The following EDARADD variants were observed in gnomAD, a reference collection of about 807,000 sequenced individuals.
EDARADD encodes the protein ectodysplasin-A receptor-associated adapter protein.
Under a neutral mutation model 25.6 loss-of-function variants are expected in EDARADD, and 20 were observed. The observed-to-expected ratio is 0.78, with a 90% CI of 0.55 to 1.14. The LOEUF is 1.14. EDARADD is among the 50% of genes most tolerant of loss of function. The pLI, the probability that EDARADD is intolerant of heterozygous loss-of-function variation, is 0.00. For missense variants in EDARADD, 225 were observed against 270.1 expected (o/e 0.83, Z 1.17); for synonymous variants, 86 against 94.4 (o/e 0.91, Z 0.52).
In EDARADD at chr1:236,483,320, T is replaced by A; in HGVS notation, c.*671T>A. ...ATGAGGTCCTAGAGCTCCAGGACAA[T>A]GATAAGACTCGCTATATGGGGAAGG... On this transcript the variant is annotated 3_prime_UTR_variant, in exon 6 of 6. Transcript: ENST00000334232. The A allele has an allele frequency of 3.8e-6, 6 of 1,596,860 alleles. No individual in the cohort carries two copies. The South Asian group carries it at 6.6e-5, about 18-fold the overall frequency.
intron 3 of EDARADD, among the ~76,000 whole-genome samples, chr1:236,373,866 C>T (rs999983672): frequency 1.3e-5 from 2 of 152,154 alleles, no homozygotes; most frequent in Non-Finnish European, 1.5e-5. Context: ...CTTTCATTTT[C>T]ATTTAGTTCA....
intron 3 of EDARADD, among the ~76,000 whole-genome samples, chr1:236,373,174 C>G (rs1667191226): frequency 6.6e-6 from 1 of 151,592 alleles, no homozygotes; most frequent in Non-Finnish European, 1.5e-5. Context: ...CTTGGCTTCC[C>G]AAAGTGCTGG....
At chr1:236,429,931 A>G (rs604304) in intron 4 of EDARADD, among the ~76,000 whole-genome samples, 68,353 of 152,022 alleles carry the variant, frequency 0.45, 17,662 homozygotes, top group Non-Finnish European at 0.59. Context: ...GGCTGATTCA[A>G]TTCTGCTCCT....
intron 4 of EDARADD, 122 bp downstream of exon 4, chr1:236,427,572 G>T: frequency 2.2e-6 from 2 of 919,120 alleles, no homozygotes; most frequent in South Asian, 3.2e-5. Flanking sequence ...CATAAACAGG[G>T]TTTGCAAATG....
At chr1:236,432,146 A>T (rs1007652762) in intron 4 of EDARADD, among the ~76,000 whole-genome samples, 11 of 152,178 alleles carry the variant, frequency 7.2e-5, no homozygotes, top group African/African-American at 2.4e-4. Context: ...AAGATAAAGC[A>T]AAAATTTGTT....
chr1:236,363,768 C>T lies in EDARADD; in HGVS notation c.-6+12929C>T, dbSNP rs141404489. ...CCAGCTCCCCTTTTGCCTTCTGCCA[C>T]GGTTGTTTCCTGAGGCCTCCCTAGA... On this transcript the variant is annotated intron_variant, in intron 3 of 7. Coordinates refer to the EDARADD transcript ENST00000439430. Among the ~76,000 whole-genome samples, 226 of 152,146 alleles carry T rather than the reference C, an allele frequency of 1.5e-3. 2 individuals carry two copies. The highest frequency in any genetic ancestry group is 3.3e-3 in the East Asian group (17 of 5,170).
intron 3 of EDARADD, among the ~76,000 whole-genome samples, chr1:236,425,306 G>A (rs1657887017): frequency 6.6e-6 from 1 of 152,200 alleles, no homozygotes; most frequent in South Asian, 2.1e-4. Flanking sequence ...GACTGCCATG[G>A]CTGTGTACCT....
rs543669853 is a variant in EDARADD at position 236,370,798 on chromosome 1, G to A, written c.-6+19959G>A. Among the ~76,000 whole-genome samples, 7 of 152,322 alleles carry A rather than the reference G, an allele frequency of 4.6e-5. No individual in the cohort carries two copies. In the East Asian group the frequency reaches 1.3e-3, roughly 29 times the overall value. On this transcript the variant is annotated intron_variant, in intron 3 of 7. Coordinates refer to the EDARADD transcript ENST00000439430. ...AGTCAGAAGCTTGTAGCCTCCAGCT[G>A]CATGACTCCTAAACCATAATTTATA...
rs1284930859 is a variant in EDARADD, at chr1:236,480,908, G to A, written c.266-1359G>A. 2.0e-5 allele frequency among the ~76,000 whole-genome samples: 3 copies of A among 152,190 alleles called. No individual in the cohort carries two copies. In the East Asian group the frequency reaches 5.8e-4, roughly 29 times the overall value. On this transcript the variant is annotated intron_variant, in intron 5 of 5. Coordinates refer to ENST00000334232, the MANE Select transcript of EDARADD (RefSeq NM_145861.4). ...GGCCCTTCCTCTGGGGTAGGCGCAT[G>A]CTCTTCATGCTGAAGCTCAGCTGAA...
At chr1:236,434,623 A>C (rs1658193614) in intron 4 of EDARADD, among the ~76,000 whole-genome samples, 1 of 152,056 alleles carries the variant, frequency 6.6e-6, no homozygotes, top group African/African-American at 2.4e-5. Flanking sequence ...TTCTTCTTCC[A>C]ATGTGGCCCA....
chr1:236,353,914 A>C (rs1206888632), intron 3 of EDARADD, among the ~76,000 whole-genome samples: 2 of 152,108 alleles, frequency 1.3e-5, no homozygotes, highest in African/African-American at 4.8e-5. Context: ...GAGAAAAGAC[A>C]GATTTGTATT....
Position 236,482,802 on chromosome 1 carries a change from A to C in EDARADD, c.*153A>C, listed in dbSNP as rs898160289. The stretch of plus-strand genomic sequence containing the variant: ...AAAGCTGGCAGTTTTGTGGAGGGGT[A>C]GCTTGTTTCGGTGGTGGATCTCTGT... On this transcript the variant is annotated 3_prime_UTR_variant, in exon 6 of 6. Transcript: ENST00000334232. The C allele has an allele frequency of 5.8e-6, 6 of 1,036,932 alleles. No homozygotes were observed. The highest frequency in any genetic ancestry group is 3.2e-5 in the African/African-American group (2 of 62,624). 64.2% of individuals were successfully genotyped at this position (1,036,932 alleles called of 1,614,324 possible).
chr1:236,367,250 G>T (rs1469237134), intron 3 of EDARADD, among the ~76,000 whole-genome samples: 2 of 96,518 alleles, frequency 2.1e-5, no homozygotes, highest in African/African-American at 8.8e-5. Flanking sequence ...TTTTATTTTA[G>T]ACGGAGTCTC....
At chr1:236,412,469 C>T (rs1180359791) in intron 2 of EDARADD, among the ~76,000 whole-genome samples, 1 of 152,176 alleles carries the variant, frequency 6.6e-6, no homozygotes, top group African/African-American at 2.4e-5. Flanking sequence ...GGCATCCCAC[C>T]TAAATCCCTT....
chr1:236,444,178 T>G (rs1658473187), intron 4 of EDARADD, among the ~76,000 whole-genome samples: 1 of 152,200 alleles, frequency 6.6e-6, no homozygotes, highest in Non-Finnish European at 1.5e-5. Context: ...AATATAACTT[T>G]TTCGTGCACT....
intron 3 of EDARADD, among the ~76,000 whole-genome samples, chr1:236,367,854 A>T (rs1430943170): frequency 3.3e-5 from 5 of 152,140 alleles, no homozygotes; most frequent in African/African-American, 1.2e-4. Context: ...CATGCCTGTA[A>T]TTCTAGCACT....
intron 2 of EDARADD, among the ~76,000 whole-genome samples, chr1:236,412,444 C>T (rs765010749): frequency 2.0e-5 from 3 of 152,172 alleles, no homozygotes; most frequent in Non-Finnish European, 2.9e-5. Context: ...AGCAAGTTTC[C>T]CGAGAACCTA....
chr1:236,393,666 G>A (rs561671730), upstream of EDARADD, among the ~76,000 whole-genome samples: 19 of 151,932 alleles, frequency 1.3e-4, no homozygotes, highest in African/African-American at 3.6e-4. Flanking sequence ...CAAAGTGCTG[G>A]GGTTACAGGT....
intron 3 of EDARADD, among the ~76,000 whole-genome samples, chr1:236,415,809 TC>T (rs1657620508): frequency 6.6e-6 from 1 of 152,154 alleles, no homozygotes; most frequent in Admixed American, 6.5e-5. Context: ...TACCTTGTAG[TC>T]TGCTGACAAT....
Sources: gnomAD v4.1 joint callset for allele counts (sites outside exome capture counted in the v4.1 genomes callset) on GRCh38, gnomAD v4.1.1 for gene constraint, MANE v1.5 for transcripts, NCBI Gene and HGNC (gene_info 2026-07-23, HGNC 2026-07-21) for gene names.